Variants in ABCB1 observed in about 807,000 individuals in gnomAD.
ABCB1 encodes the protein ATP-dependent translocase ABCB1.
ABCB1 carries 69 observed loss-of-function variants against 142.0 expected under a neutral mutation model. That is an observed-to-expected ratio of 0.49 (90% CI 0.40 to 0.59). ABCB1 has a LOEUF of 0.59. Among genes scored for constraint, ABCB1 ranks in the 20% least tolerant of loss-of-function variants. ABCB1 has a pLI of 0.00. For missense variants in ABCB1, 1,326 were observed against 1,554.7 expected, an observed-to-expected ratio of 0.85 and a Z score of 2.47; for synonymous variants, 532 against 539.2, an observed-to-expected ratio of 0.99 and a Z score of 0.18.
intron 23 of ABCB1, among the ~76,000 whole-genome samples, chr7:87,518,121 G>A (rs940014546): frequency 3.9e-5 from 6 of 152,104 alleles, no homozygotes; most frequent in East Asian, 3.8e-4. Context: ...GGAATTCATC[G>A]CTTTCTTTCC....
chr7:87,587,965 C>T (rs539033975), intron 3 of ABCB1, among the ~76,000 whole-genome samples: 7 of 151,254 alleles, frequency 4.6e-5, no homozygotes, highest in Non-Finnish European at 8.8e-5. Context: ...AGACTGGGGA[C>T]CCTCAAGTTT....
rs1191465275 is a variant in ABCB1, at chr7:87,544,141, T to G, written c.2199A>C (p.Ser733=). The change falls in exon 17 of 28, where the codon TCA becomes TCC. Residue 733 remains serine, a synonymous_variant. Transcript: ENST00000622132. ...GCATCACACTTACCCCTATAATCTT[T>G]GAAAATATTATTGCAAATGCTGGTT... is the stretch of plus-strand genomic sequence containing the variant. ...GLQPAFAIIF[S]KIIGVFTRID... The G allele has an allele frequency of 6.2e-7, 1 of 1,613,940 alleles. No individual in the cohort carries two copies. Among genetic ancestry groups the G allele is most frequent in the Non-Finnish European group, 8.5e-7 (1 of 1,179,918 alleles).
intron 1 of ABCB1, among the ~76,000 whole-genome samples, chr7:87,670,887 TG>T (rs967592753): frequency 3.3e-5 from 5 of 152,222 alleles, no homozygotes; most frequent in Non-Finnish European, 7.3e-5. Context: ...GTTCTGAAAG[TG>T]TGAGTTTCTC....
intron 14 of ABCB1, among the ~76,000 whole-genome samples, chr7:87,548,000 G>C (rs1192139293): frequency 6.7e-6 from 1 of 150,234 alleles, no homozygotes; most frequent in African/African-American, 2.5e-5. Context: ...CCTGGTGACA[G>C]AGTGAGAAAA....
chr7:87,522,046 C>A, intron 21 of ABCB1: 2 of 1,007,050 alleles, frequency 2.0e-6, no homozygotes, highest in Non-Finnish European at 3.1e-6. Context: ...GCCAAAGAGG[C>A]AAAGCAGCTC....
At chr7:87,548,362 A>G (rs550683780) in intron 14 of ABCB1, among the ~76,000 whole-genome samples, 55 of 151,694 alleles carry the variant, frequency 3.6e-4, no homozygotes, top group African/African-American at 5.8e-4. Flanking sequence ...GAGGGAGGGA[A>G]GGAAGGAAGG....
intron 1 of ABCB1, among the ~76,000 whole-genome samples, chr7:87,614,648 G>T (rs1275536865): frequency 1.3e-5 from 2 of 152,186 alleles, no homozygotes; most frequent in Admixed American, 6.5e-5. Flanking sequence ...AAAGCAAACT[G>T]AGATGTGTTA....
At chr7:87,524,066 G>T (rs1815666269) in intron 21 of ABCB1, among the ~76,000 whole-genome samples, 1 of 151,850 alleles carries the variant, frequency 6.6e-6, no homozygotes, top group Non-Finnish European at 1.5e-5. Context: ...ATTCTTCACT[G>T]AATCTTACAT....
chr7:87,637,634 TTATTA>T (rs1821917234), intron 1 of ABCB1, among the ~76,000 whole-genome samples: 1 of 152,068 alleles, frequency 6.6e-6, no homozygotes, highest in African/African-American at 2.4e-5. Flanking sequence ...TTTAAATCTC[TTATTA>T]TATTTATTCT....
At chr7:87,620,164 T>C (rs1317207485) in intron 1 of ABCB1, among the ~76,000 whole-genome samples, 1 of 152,086 alleles carries the variant, frequency 6.6e-6, no homozygotes, top group East Asian at 1.9e-4. Context: ...TTTTTTTTTC[T>C]TTCTTTCTTT....
rs1455168926 is a variant in ABCB1, at chr7:87,549,996, A to G, written c.1409T>C (p.Ile470Thr). Reference protein sequence around the residue: ...TINVRFLREIIGVVSQEPVLF... With the variant: ...TINVRFLREITGVVSQEPVLF... ...TACAGGTTCCTGACTCACCACACCA[A>G]TGATTTCCCGTAGAAACCTTACATT... Residue 470 changes from isoleucine (I) to threonine (T), a missense_variant, in exon 13 of 28, where the codon ATT (isoleucine) becomes ACT (threonine). Ile to Thr is a moderately conservative substitution (Grantham distance 89). Transcript: ENST00000622132. The G allele has an allele frequency of 3.1e-6, 5 of 1,614,222 alleles. No homozygotes were observed. Among genetic ancestry groups the G allele is most frequent in the Non-Finnish European group, 3.4e-6 (4 of 1,180,034 alleles).
At position 87,541,395 on chromosome 7, in the gene ABCB1, C is replaced by T. The variant is rs1584861827; in HGVS notation, c.2281G>A (p.Ala761Thr). The stretch of plus-strand genomic sequence containing the variant: ...GTAATAAAAGAAATAATTCCAAGGG[C>T]TAGAAACAATAGTGAAAACAAGTTA... ...NSNLFSLLFLALGIISFITFF... is the reference protein window; with the variant it reads ...NSNLFSLLFLTLGIISFITFF... The change falls in exon 18 of 28, where the codon GCC (alanine) becomes ACC (threonine). Residue 761 changes from alanine (A) to threonine (T), a missense_variant. Physicochemically the swap from Ala to Thr is moderately conservative, Grantham distance 58. Coordinates refer to ENST00000622132, the MANE Select transcript of ABCB1 (RefSeq NM_001348946.2). 1 of 1,605,820 alleles carries T rather than the reference C, an allele frequency of 6.2e-7. No individual in the cohort carries two copies.
Position 87,692,141 on chromosome 7 carries a change from T to G in ABCB1, c.-331+21020A>C, listed in dbSNP as rs117654121. Among the ~76,000 whole-genome samples, 618 of 152,216 alleles carry G rather than the reference T, an allele frequency of 4.1e-3. 1 individual carries two copies. The highest frequency in any genetic ancestry group is 6.3e-3 in the Non-Finnish European group (429 of 68,002). On this transcript the variant is annotated intron_variant, in intron 1 of 28. Coordinates refer to the ABCB1 transcript ENST00000265724. Reference sequence around the variant, plus strand: ...GCACAGAGGCTAGCATACTAACAGCTTTTTAAAAAAATAACCAACATTATC... The same window carrying G: ...GCACAGAGGCTAGCATACTAACAGCGTTTTAAAAAAATAACCAACATTATC...
chr7:87,658,511 A>G (rs559134896), intron 1 of ABCB1, among the ~76,000 whole-genome samples: 40 of 152,344 alleles, frequency 2.6e-4, no homozygotes, highest in African/African-American at 9.1e-4. Context: ...TTAGCAAGAG[A>G]CATAAGCAAA....
intron 1 of ABCB1, among the ~76,000 whole-genome samples, chr7:87,686,057 CAT>C (rs1416341750): frequency 6.6e-6 from 1 of 152,174 alleles, no homozygotes; most frequent in Non-Finnish European, 1.5e-5. Context: ...GGAAATGAAT[CAT>C]AACCTGAGTT....
intron 3 of ABCB1, among the ~76,000 whole-genome samples, chr7:87,592,991 A>G (rs896732822): frequency 2.0e-5 from 3 of 151,080 alleles, no homozygotes. Context: ...GCAGTAGCAC[A>G]ATCTTGGCTC....
chr7:87,656,581 G>A (rs1000865584), intron 1 of ABCB1, among the ~76,000 whole-genome samples: 10 of 152,008 alleles, frequency 6.6e-5, no homozygotes, highest in African/African-American at 2.4e-4. Flanking sequence ...AGATAAAGGG[G>A]GAGGAGGAAA....
chr7:87,677,084 T>G (rs1034712918), intron 1 of ABCB1, among the ~76,000 whole-genome samples: 1 of 152,136 alleles, frequency 6.6e-6, no homozygotes, highest in African/African-American at 2.4e-5. Context: ...CTCAAAAAAT[T>G]ACAAGTAGAA....
intron 26 of ABCB1, among the ~76,000 whole-genome samples, chr7:87,507,154 G>C (rs1814786895): frequency 6.6e-6 from 1 of 152,304 alleles, no homozygotes; most frequent in African/African-American, 2.4e-5. Context: ...TAGGACTTAG[G>C]GGTTTTACCT....
Sources: gnomAD v4.1 joint callset for allele counts (sites outside exome capture counted in the v4.1 genomes callset) on GRCh38, gnomAD v4.1.1 for gene constraint, MANE v1.5 for transcripts, NCBI Gene and HGNC (gene_info 2026-07-23, HGNC 2026-07-21) for gene names.